Variants in C12orf50 observed in about 807,000 individuals in gnomAD.
C12orf50 encodes the protein zinc finger CCCH-type containing 11D, also known as uncharacterized protein C12orf50.
C12orf50 carries 35 observed loss-of-function variants against 61.6 expected under a neutral mutation model. That is an observed-to-expected ratio of 0.57 (90% CI 0.43 to 0.75). The LOEUF is 0.75. Among genes scored for constraint, C12orf50 ranks in the 30% least tolerant of loss-of-function variants. The pLI, the probability that C12orf50 is intolerant of heterozygous loss-of-function variation, is 0.00. For synonymous variants in C12orf50, 178 were observed against 161.5 expected (o/e 1.10, Z -0.77); for missense variants, 475 against 488.5 (o/e 0.97, Z 0.26).
chr12:87,995,669 C>T, intron 6 of C12orf50, among the ~76,000 whole-genome samples: 1 of 150,324 alleles, frequency 6.7e-6, no homozygotes, highest in East Asian at 1.9e-4. Context: ...TTGTTTTCTT[C>T]TTTTGTTTTT....
intron 2 of C12orf50, 137 bp downstream of exon 2, chr12:88,026,814 T>C (rs931196565): frequency 1.6e-5 from 22 of 1,398,754 alleles, no homozygotes; most frequent in African/African-American, 4.4e-5. Context: ...TCCATTAAGT[T>C]GAAAAAATTG....
intron 3 of C12orf50, among the ~76,000 whole-genome samples, chr12:88,025,521 C>T (rs779738265): frequency 5.3e-5 from 8 of 152,092 alleles, no homozygotes; most frequent in Non-Finnish European, 5.9e-5. Flanking sequence ...AGTAAGGGCT[C>T]ATTTGAGATT....
chr12:88,011,260 T>A (rs906465830), intron 3 of C12orf50, among the ~76,000 whole-genome samples: 2 of 152,092 alleles, frequency 1.3e-5, no homozygotes, highest in South Asian at 4.1e-4. Context: ...TTAGTGTGAG[T>A]GAGGATGACC....
intron 3 of C12orf50, among the ~76,000 whole-genome samples, chr12:88,006,828 T>A (rs1455415085): frequency 6.6e-6 from 1 of 152,224 alleles, no homozygotes; most frequent in African/African-American, 2.4e-5. Context: ...GAGCTCTGTG[T>A]TCTTGGCTGT....
intron 8 of C12orf50, 97 bp from the exon 9 acceptor site, chr12:87,988,063 C>T (rs1565740862): frequency 4.8e-6 from 3 of 624,066 alleles, no homozygotes; most frequent in Non-Finnish European, 8.0e-6. Context: ...ATAATGGGAA[C>T]ACCTCTTTAA....
In C12orf50 at chr12:88,026,572, G is replaced by A; in HGVS notation, c.49C>T (p.Pro17Ser). The A allele has an allele frequency of 1.9e-6, 3 of 1,613,762 alleles. No individual in the cohort carries two copies. The highest frequency in any genetic ancestry group is 8.5e-7 in the Non-Finnish European group (1 of 1,179,980). ...CSISCFWETQ[P>S]LGCVKISCIF... ...CAGCTGATCTTCACACAACCAAGAGGCTGAGTTTCCCAGAAGCATGAAATG... is the reference window on the plus strand; with the variant it reads ...CAGCTGATCTTCACACAACCAAGAGACTGAGTTTCCCAGAAGCATGAAATG... Residue 17 changes from proline (P) to serine (S), a missense_variant, in exon 3 of 13, where the codon CCT (proline) becomes TCT (serine). By Grantham distance (74) the Pro-to-Ser change is moderately conservative. Transcript: ENST00000298699.
At chr12:87,999,612 T>C (rs1373311492) in intron 3 of C12orf50, among the ~76,000 whole-genome samples, 2 of 152,174 alleles carry the variant, frequency 1.3e-5, no homozygotes, top group African/African-American at 4.8e-5. Context: ...ATTAGGCAGT[T>C]CCTCAAAAGG....
chr12:88,011,122 ATAT>A (rs1219440814), intron 3 of C12orf50, among the ~76,000 whole-genome samples: 1 of 152,094 alleles, frequency 6.6e-6, no homozygotes, highest in East Asian at 1.9e-4. Flanking sequence ...TCTGAAAGAC[ATAT>A]TTTTTATATA....
At position 87,985,953 on chromosome 12, in the gene C12orf50, A is replaced by T; in HGVS notation, c.1023T>A (p.Ala341=). The change falls in exon 11 of 13, where the codon GCT becomes GCA. Residue 341 remains alanine (A), a synonymous_variant. Transcript: ENST00000298699. ...NASYIHVQRD[A]VRTVALNAPS... ...GTGCATTCAACGCGACAGTCCTGAC[A>T]GCATCTCTTTGAACGTGGATATAGG... The T allele has an allele frequency of 1.2e-6, 2 of 1,613,926 alleles. No homozygotes were observed. The highest frequency in any genetic ancestry group is 8.5e-7 in the Non-Finnish European group (1 of 1,179,886).
chr12:87,986,450 G>A (rs1395478500), intron 9 of C12orf50, 34 bp from the exon 10 acceptor site: 5 of 1,474,256 alleles, frequency 3.4e-6, no homozygotes, highest in Non-Finnish European at 4.7e-6. Context: ...AATTTTTTAA[G>A]AGATGCTTTC....
At chr12:88,008,107 G>C (rs563398322) in intron 3 of C12orf50, among the ~76,000 whole-genome samples, 16 of 151,828 alleles carry the variant, frequency 1.1e-4, no homozygotes, top group Non-Finnish European at 2.2e-4. Context: ...GTGCAGGTTT[G>C]TTATATAGGT....
chr12:87,992,830 A>G (rs932210992), intron 7 of C12orf50, among the ~76,000 whole-genome samples: 2 of 152,214 alleles, frequency 1.3e-5, no homozygotes, highest in African/African-American at 4.8e-5. Context: ...GCAATAACAC[A>G]TTAAAATAAT....
At position 88,027,079 on chromosome 12, in the gene C12orf50, A is replaced by G. The variant is rs1036332669; in HGVS notation, c.-108-9T>C. 1.4e-5 allele frequency: 23 copies of G among 1,599,484 alleles called. No individual in the cohort carries two copies. The highest frequency in any genetic ancestry group is 5.3e-5 in the Admixed American group (3 of 56,738). On this transcript the variant is annotated splice_polypyrimidine_tract_variant and intron_variant, in intron 1 of 12. Coordinates refer to ENST00000298699, the MANE Select transcript of C12orf50 (RefSeq NM_152589.3). ...AATCGGCACTGGGAACCCTAAAAGA[A>G]AAAGTAAACAGTGTAGAAAGCTCAA...
At chr12:88,026,723 G>T in intron 2 of C12orf50, 115 bp from the exon 3 acceptor site, 1 of 1,384,078 alleles carries the variant, frequency 7.2e-7, no homozygotes, top group Non-Finnish European at 9.8e-7. Context: ...ACTGATTTAG[G>T]ATCATGTGTG....
intron 1 of C12orf50, 41 bp from the exon 2 acceptor site, chr12:88,027,111 G>T: frequency 6.5e-7 from 1 of 1,542,192 alleles, no homozygotes. Context: ...TCAATATGTT[G>T]ACATTAGTGT....
At chr12:88,023,714 A>G (rs1451371565) in intron 3 of C12orf50, among the ~76,000 whole-genome samples, 1 of 151,902 alleles carries the variant, frequency 6.6e-6, no homozygotes, top group African/African-American at 2.4e-5. Context: ...AACCTAGGAA[A>G]TACCATTCTG....
In C12orf50 at chr12:87,998,146, A is replaced by G. The variant is rs1406740483; in HGVS notation, c.178T>C (p.Ser60Pro). Residue 60 changes from serine to proline, a missense_variant, in exon 4 of 13, where the codon TCC becomes CCC. Physicochemically the swap from Ser to Pro is moderately conservative, Grantham distance 74. Coordinates refer to ENST00000298699, the MANE Select transcript of C12orf50 (RefSeq NM_152589.3). ...GGTTTCAGAGGTTCTTGACTCTGGG[A>G]CTGGAGTGGAATTCCTTCCTGAATT... ...KEIQEGIPLQSQSQEPLKPQE... is the reference protein window; with the variant it reads ...KEIQEGIPLQPQSQEPLKPQE... The G allele has an allele frequency of 6.2e-7, 1 of 1,612,640 alleles. No individual in the cohort carries two copies. Among genetic ancestry groups the G allele is most frequent in the South Asian group, 1.1e-5 (1 of 90,984 alleles).
intron 3 of C12orf50, among the ~76,000 whole-genome samples, chr12:88,026,101 C>T (rs1016845969): frequency 6.6e-6 from 1 of 152,132 alleles, no homozygotes; most frequent in African/African-American, 2.4e-5. Flanking sequence ...CTCTCTCCAC[C>T]TACGAGATAG....
chr12:88,025,359 T>C (rs2032663127), intron 3 of C12orf50, among the ~76,000 whole-genome samples: 1 of 152,116 alleles, frequency 6.6e-6, no homozygotes, highest in Non-Finnish European at 1.5e-5. Flanking sequence ...AGTTCTCTTC[T>C]TATTAAAAGT....
Sources: allele counts gnomAD v4.1 joint callset (sites outside exome capture counted in the v4.1 genomes callset), GRCh38; gene constraint gnomAD v4.1.1; transcripts MANE v1.5; gene names NCBI Gene and HGNC (gene_info 2026-07-23, HGNC 2026-07-21).